Variants in PDE11A observed in about 807,000 individuals in gnomAD.
PDE11A encodes dual 3',5'-cyclic-AMP and -GMP phosphodiesterase 11A.
In PDE11A, 100 loss-of-function variants were observed where a neutral mutation model predicts 100.5. The ratio of observed to expected loss-of-function variants is 1.00; its 90% confidence interval spans 0.85 to 1.18. PDE11A has a LOEUF of 1.18. Ranked by LOEUF, PDE11A falls within the 50% of genes most tolerant of loss-of-function variation. The probability of loss-of-function intolerance (pLI) is 0.00; values close to 1 mark genes in which losing one functional copy is unlikely to be tolerated. For missense variants in PDE11A, 1,141 were observed against 1,152.6 expected (o/e 0.99, Z 0.15); for synonymous variants, 381 against 420.8 (o/e 0.91, Z 1.16).
chr2:177,844,114 A>T (rs981949126), intron 5 of PDE11A, among the ~76,000 whole-genome samples: 2 of 152,228 alleles, frequency 1.3e-5, no homozygotes, highest in African/African-American at 4.8e-5. Context: ...TGGTATTTAC[A>T]TCACTGTCTT....
At chr2:178,029,566 C>T (rs1041361419) in intron 1 of PDE11A, among the ~76,000 whole-genome samples, 3 of 151,620 alleles carry the variant, frequency 2.0e-5, no homozygotes, top group Non-Finnish European at 4.4e-5. Flanking sequence ...AAAAAATGTT[C>T]AACTTAATAA....
chr2:178,086,698 A>G (rs1437235110), intron 2 of PDE11A, among the ~76,000 whole-genome samples: 3 of 152,232 alleles, frequency 2.0e-5, no homozygotes, highest in African/African-American at 7.2e-5. Flanking sequence ...TGCAGTTTTT[A>G]TAGAAGGACA....
At chr2:177,774,702 C>T (rs1382923657) in intron 9 of PDE11A, among the ~76,000 whole-genome samples, 3 of 152,154 alleles carry the variant, frequency 2.0e-5, no homozygotes, top group East Asian at 1.9e-4. Context: ...CTCACATATT[C>T]GTCTGCCTAC....
chr2:178,040,950 C>T (rs1005642568), intron 1 of PDE11A, among the ~76,000 whole-genome samples: 1 of 151,936 alleles, frequency 6.6e-6, no homozygotes, highest in Non-Finnish European at 1.5e-5. Flanking sequence ...TTTATTTATT[C>T]ATTTATTGAG....
At chr2:177,688,578 C>T (rs1410533417) in intron 15 of PDE11A, among the ~76,000 whole-genome samples, 1 of 152,072 alleles carries the variant, frequency 6.6e-6, no homozygotes, top group East Asian at 1.9e-4. Flanking sequence ...GGAACTGTAT[C>T]ATTAACTTCT....
At chr2:177,781,303 T>A (rs2082450619) in intron 9 of PDE11A, among the ~76,000 whole-genome samples, 2 of 152,206 alleles carry the variant, frequency 1.3e-5, no homozygotes, top group Admixed American at 6.5e-5. Flanking sequence ...CCCAAAGGAT[T>A]ACAATAGTAA....
At chr2:177,917,686 C>T (rs1304759766) in intron 2 of PDE11A, among the ~76,000 whole-genome samples, 4 of 152,056 alleles carry the variant, frequency 2.6e-5, no homozygotes, top group African/African-American at 9.7e-5. Context: ...TTTACAGACA[C>T]TGTGGAAGAT....
intron 2 of PDE11A, among the ~76,000 whole-genome samples, chr2:177,924,563 CAG>C (rs773523627): frequency 2.0e-5 from 3 of 152,114 alleles, no homozygotes; most frequent in Non-Finnish European, 4.4e-5. Flanking sequence ...TCCTTGATAT[CAG>C]AGTCAATATT....
Position 178,104,484 on chromosome 2 carries a change from G to A in PDE11A, c.-13-8C>T, listed in dbSNP as rs374357229. 12 of 1,612,276 alleles carry A rather than the reference G, an allele frequency of 7.4e-6. No homozygotes were observed. The African/African-American group carries it at 1.5e-4, about 20-fold the overall frequency. On this transcript the variant is annotated splice_region_variant and splice_polypyrimidine_tract_variant and intron_variant, in intron 1 of 20. Transcript: ENST00000358450. ...AGCATCTCCCATGTTGCTCTGCAAT[G>A]GAACATTAAAACCACAAACCAAAAA...
intron 3 of PDE11A, among the ~76,000 whole-genome samples, chr2:177,901,249 C>A (rs2084691954): frequency 6.6e-6 from 1 of 151,830 alleles, no homozygotes; most frequent in Admixed American, 6.6e-5. Context: ...ATCTTGTGAC[C>A]CCCCCCATCC....
chr2:177,641,236 A>G (rs2080137075), intron 19 of PDE11A, among the ~76,000 whole-genome samples: 1 of 152,212 alleles, frequency 6.6e-6, no homozygotes, highest in South Asian at 2.1e-4. Context: ...CCTATCAGAA[A>G]AGAGTATTGT....
chr2:178,040,307 C>T (rs375586595), intron 1 of PDE11A, among the ~76,000 whole-genome samples: 75 of 152,216 alleles, frequency 4.9e-4, no homozygotes, highest in African/African-American at 1.7e-3. Context: ...CCACCCACCT[C>T]GGCTTCCCAA....
At chr2:178,099,631 C>T (rs2087537487) in intron 2 of PDE11A, among the ~76,000 whole-genome samples, 1 of 151,934 alleles carries the variant, frequency 6.6e-6, no homozygotes, top group Non-Finnish European at 1.5e-5. Flanking sequence ...AAATTAGAAC[C>T]CTTGTGTATT....
chr2:178,056,428 ATATT>A (rs2086900184), intron 1 of PDE11A, among the ~76,000 whole-genome samples: 1 of 152,174 alleles, frequency 6.6e-6, no homozygotes, highest in Non-Finnish European at 1.5e-5. Flanking sequence ...CAAAGAAAGA[ATATT>A]TATTATCGTT....
Position 178,014,365 on chromosome 2 carries a change from A to C in PDE11A, c.1008T>G (p.Ile336Met). Residue 336 changes from isoleucine (I) to methionine (M), a missense_variant, in exon 2 of 20, where the codon ATT becomes ATG. Ile to Met is a conservative substitution (Grantham distance 10). Transcript: ENST00000286063. ...TCTTATTTATCGCTTGGGCCACACC[A>C]ATAATCTCACCATCACTGCTTCGGA... is the stretch of plus-strand genomic sequence containing the variant. ...MPIRSSDGEI[I>M]GVAQAINKIP... 6.2e-7 allele frequency: 1 copy of C among 1,612,750 alleles called. No homozygotes were observed. Among genetic ancestry groups the C allele is most frequent in the Non-Finnish European group, 8.5e-7 (1 of 1,178,712 alleles).
chr2:178,102,229 C>T (rs898181930), intron 2 of PDE11A, among the ~76,000 whole-genome samples: 6 of 151,788 alleles, frequency 4.0e-5, no homozygotes, highest in African/African-American at 1.2e-4. Context: ...TGGGTTCAAG[C>T]GATTCTCCTG....
At chr2:177,903,855 T>C (rs77210122) in intron 3 of PDE11A, among the ~76,000 whole-genome samples, 2,833 of 152,172 alleles carry the variant, frequency 0.019, 52 homozygotes, top group South Asian at 0.046. Flanking sequence ...TTGCTGGAAA[T>C]TGGGGACTAT....
At chr2:177,714,273 G>A (rs1247653520) in intron 12 of PDE11A, among the ~76,000 whole-genome samples, 2 of 152,100 alleles carry the variant, frequency 1.3e-5, no homozygotes, top group South Asian at 2.1e-4. Flanking sequence ...GATTACAGGC[G>A]TGAGCCACTA....
intron 4 of PDE11A, among the ~76,000 whole-genome samples, chr2:177,892,889 G>T (rs911865181): frequency 6.6e-6 from 1 of 152,236 alleles, no homozygotes; most frequent in African/African-American, 2.4e-5. Context: ...AATGGGAAAA[G>T]TTGCATTTGC....
Sources: gnomAD v4.1 joint callset for allele counts (sites outside exome capture counted in the v4.1 genomes callset) on GRCh38, gnomAD v4.1.1 for gene constraint, MANE v1.5 for transcripts, NCBI Gene and HGNC (gene_info 2026-07-23, HGNC 2026-07-21) for gene names.